Variants in DPP6 observed in about 807,000 individuals in gnomAD.
DPP6 encodes the protein dipeptidyl peptidase like 6.
DPP6 carries 69 observed loss-of-function variants against 122.6 expected under a neutral mutation model. The observed-to-expected ratio is 0.56, with a 90% confidence interval of 0.46 to 0.69. DPP6 has a LOEUF of 0.69. DPP6 is among the 30% of genes least tolerant of loss of function. The pLI is 0.00. For synonymous variants in DPP6, 418 were observed against 433.1 expected (o/e 0.97, Z 0.43); for missense variants, 928 against 1,116.9 (o/e 0.83, Z 2.41).
intron 16 of DPP6, among the ~76,000 whole-genome samples, chr7:154,828,813 C>T (rs1178891709): frequency 6.6e-6 from 1 of 152,144 alleles, no homozygotes; most frequent in Non-Finnish European, 1.5e-5. Flanking sequence ...TTTAAGATGG[C>T]CATAAATCTT....
At chr7:154,313,684 G>GGTGTGTGTGT (rs146683070) in intron 1 of DPP6, among the ~76,000 whole-genome samples, 9,095 of 24,224 alleles carry the variant, frequency 0.38, 3,000 homozygotes, top group Non-Finnish European at 0.48. Flanking sequence ...TTTAAGATAT[G>GGTGTGTGTGT]GTATATATAT....
intron 7 of DPP6, among the ~76,000 whole-genome samples, chr7:154,672,281 A>G (rs1171367487): frequency 6.6e-6 from 1 of 152,174 alleles, no homozygotes. Flanking sequence ...TCTTGTATAA[A>G]TGACTCAGTC....
chr7:154,308,327 TA>T (rs1361378016), intron 1 of DPP6, among the ~76,000 whole-genome samples: 1 of 151,698 alleles, frequency 6.6e-6, no homozygotes, highest in African/African-American at 2.4e-5. Flanking sequence ...AAAAAATGTG[TA>T]AAAAGAGTAT....
chr7:154,875,946 G>A lies in DPP6; in HGVS notation c.1924G>A (p.Glu642Lys), dbSNP rs769755446. Reference protein sequence around the residue: ...PGSQSVAEKFEVSWETVMVSS... With the variant: ...PGSQSVAEKFKVSWETVMVSS... ...CAGCCAGAGTGTGGCTGAGAAGTTC[G>A]AGGTGAGCTGGGAGACGGTGATGGT... The change falls in exon 20 of 26, where the codon GAG (glutamate) becomes AAG (lysine). Residue 642 changes from glutamate (E) to lysine (K), a missense_variant. Glu to Lys is a moderately conservative substitution (Grantham distance 56). Transcript: ENST00000377770. This position sits in a 1 kb window ranked among gnomAD's most constrained non-coding sequence, Gnocchi z 4.5. 13 of 1,613,392 alleles carry A rather than the reference G, an allele frequency of 8.1e-6. No homozygotes were observed. In the Admixed American group the frequency reaches 1.2e-4, roughly 14 times the overall value.
At chr7:153,763,907 C>A in the DPP6 span, among the ~76,000 whole-genome samples, 1 of 152,172 alleles carries the variant, frequency 6.6e-6, no homozygotes, top group South Asian at 2.1e-4. Context: ...GTACAAAGTA[C>A]CTTAGCAGCT....
At chr7:154,190,080 CA>C (rs1798539952) in intron 1 of DPP6, among the ~76,000 whole-genome samples, 1 of 152,126 alleles carries the variant, frequency 6.6e-6, no homozygotes, top group Non-Finnish European at 1.5e-5. Context: ...TGTAAAGCTC[CA>C]ATGCATATCT....
chr7:153,882,825 T>G (rs1014775219), upstream of DPP6, among the ~76,000 whole-genome samples: 9 of 151,966 alleles, frequency 5.9e-5, no homozygotes, highest in African/African-American at 1.9e-4. Flanking sequence ...ACACGGCAGA[T>G]TCTATGGGGC....
At chr7:154,125,710 G>A in intron 1 of DPP6, among the ~76,000 whole-genome samples, 1 of 152,210 alleles carries the variant, frequency 6.6e-6, no homozygotes, top group East Asian at 1.9e-4. Context: ...GATGACCCCT[G>A]TGGCTAGAGG....
At chr7:154,822,935 C>T (rs1294385065) in intron 16 of DPP6, among the ~76,000 whole-genome samples, 1 of 152,194 alleles carries the variant, frequency 6.6e-6, no homozygotes, top group East Asian at 1.9e-4. Flanking sequence ...ACATCTAGTG[C>T]AAGAGCTGTG....
Position 154,618,531 on chromosome 7 carries a change from T to C in DPP6, c.628-19290T>C, listed in dbSNP as rs1027658011. Among the ~76,000 whole-genome samples, 1 of 152,166 alleles carries C rather than the reference T, an allele frequency of 6.6e-6. No individual in the cohort carries two copies. Among genetic ancestry groups the C allele is most frequent in the African/African-American group, 2.4e-5 (1 of 41,422 alleles). ...CCTTAGACAATTTCTAGTTTGACTC[T>C]CATCATATTTTTAATATAGCCCTGC... is the stretch of plus-strand genomic sequence containing the variant. On this transcript the variant is annotated intron_variant, in intron 5 of 25. Coordinates refer to ENST00000377770, the MANE Select transcript of DPP6 (RefSeq NM_130797.4). This position sits in a 1 kb window ranked among gnomAD's most constrained non-coding sequence, Gnocchi z 4.1.
intron 8 of DPP6, among the ~76,000 whole-genome samples, chr7:154,736,256 A>G (rs541410891): frequency 1.3e-5 from 2 of 152,368 alleles, no homozygotes; most frequent in Non-Finnish European, 2.9e-5. Context: ...TGAGTCCAGC[A>G]GTCAGTAAAC....
chr7:154,429,991 C>T (rs1394662516), intron 1 of DPP6, among the ~76,000 whole-genome samples: 1 of 152,124 alleles, frequency 6.6e-6, no homozygotes, highest in African/African-American at 2.4e-5. Context: ...CTAAAGCCTG[C>T]CTCCCACCCT....
chr7:154,533,747 C>T (rs1366691113), intron 3 of DPP6, among the ~76,000 whole-genome samples: 1 of 152,098 alleles, frequency 6.6e-6, no homozygotes, highest in Non-Finnish European at 1.5e-5. Flanking sequence ...CCTCTAATTC[C>T]AGCACTTTGA....
At chr7:154,510,710 A>G (rs897062929) in intron 3 of DPP6, among the ~76,000 whole-genome samples, 1 of 150,290 alleles carries the variant, frequency 6.7e-6, no homozygotes, top group Non-Finnish European at 1.5e-5. Flanking sequence ...AAAAAAAAAT[A>G]GTGTAAAGGG....
chr7:154,698,205 T>C (rs1292535247), intron 7 of DPP6, among the ~76,000 whole-genome samples: 2 of 152,344 alleles, frequency 1.3e-5, no homozygotes, highest in East Asian at 1.9e-4. Context: ...TAAATACTTA[T>C]TGTTAACATA....
At chr7:153,973,000 A>G (rs1796098957) in intron 1 of DPP6, among the ~76,000 whole-genome samples, 1 of 151,920 alleles carries the variant, frequency 6.6e-6, no homozygotes, top group East Asian at 1.9e-4. Context: ...GTTAGATGTA[A>G]CGGTGCCTTT....
At chr7:154,129,635 T>C (rs1808211344) in intron 1 of DPP6, among the ~76,000 whole-genome samples, 2 of 152,150 alleles carry the variant, frequency 1.3e-5, no homozygotes, top group South Asian at 2.1e-4. Flanking sequence ...CACAGTGGCT[T>C]ACGCCTGTAA....
At chr7:154,024,999 A>G (rs962679382) in intron 1 of DPP6, among the ~76,000 whole-genome samples, 6 of 151,744 alleles carry the variant, frequency 4.0e-5, no homozygotes, top group Non-Finnish European at 7.4e-5. Flanking sequence ...ATTCTCCAAA[A>G]CTCCATCCCC....
In DPP6 at chr7:154,300,508, C is replaced by G. The variant is rs1805833900; in HGVS notation, c.244-145706C>G. On this transcript the variant is annotated intron_variant, in intron 1 of 25. Transcript: ENST00000377770. The stretch of plus-strand genomic sequence containing the variant: ...GTCATAGCAAGACCCCTTGAGCTGC[C>G]TGTTTCTTAGCAGAAGCTGGAGTAG... Among the ~76,000 whole-genome samples, 3 of 152,222 alleles carry G rather than the reference C, an allele frequency of 2.0e-5. No homozygotes were observed. The South Asian group carries it at 6.2e-4, about 32-fold the overall frequency.
Sources: allele counts gnomAD v4.1 joint callset (sites outside exome capture counted in the v4.1 genomes callset), GRCh38; gene constraint gnomAD v4.1.1; non-coding constraint Gnocchi (gnomAD v3.1); transcripts MANE v1.5; gene names NCBI Gene and HGNC (gene_info 2026-07-23, HGNC 2026-07-21).